STRBP: variants seen among roughly 807,000 people sequenced by gnomAD.
STRBP encodes the protein spermatid perinuclear RNA binding protein, also known as spermatid perinuclear RNA-binding protein.
A neutral mutation model predicts 80.1 loss-of-function variants in STRBP; 13 were observed. The observed-to-expected ratio is 0.16, with a 90% CI of 0.11 to 0.26. The LOEUF (loss-of-function observed/expected upper bound fraction) is 0.26, where lower values mean the gene tolerates loss of function less well. Among genes scored for constraint, STRBP ranks in the 10% least tolerant of loss-of-function variants. The probability of loss-of-function intolerance (pLI) is 1.00; values close to 1 mark genes in which losing one functional copy is unlikely to be tolerated. For synonymous variants in STRBP, 284 were observed against 291.2 expected (o/e 0.98, Z 0.25); for missense variants, 485 against 815.2 (o/e 0.59, Z 4.93).
chr9:123,197,944 G>C (rs1344481659), intron 2 of STRBP, among the ~76,000 whole-genome samples: 1 of 152,070 alleles, frequency 6.6e-6, no homozygotes, highest in African/African-American at 2.4e-5. Context: ...AAAGTGCTGG[G>C]ATTACAGGCG....
intron 13 of STRBP, among the ~76,000 whole-genome samples, chr9:123,146,406 C>T (rs868168957): frequency 2.0e-5 from 3 of 150,850 alleles, no homozygotes; most frequent in Middle Eastern, 3.4e-3. Flanking sequence ...AATAGTTTCC[C>T]GTAGCATGTT....
chr9:123,114,523 C>G (rs771301943), intron 3 of STRBP: 14 of 167,146 alleles, frequency 8.4e-5, no homozygotes, highest in Non-Finnish European at 1.8e-4. Context: ...GAGCCCAGCC[C>G]GGCGGAAACT....
At chr9:123,214,145 TACACACACACAC>T (rs138090782) in intron 2 of STRBP, among the ~76,000 whole-genome samples, 13 of 141,442 alleles carry the variant, frequency 9.2e-5, no homozygotes, top group East Asian at 2.1e-4. Context: ...TATATATGTA[TACACACACACAC>T]ACACACACAC....
intron 2 of STRBP, among the ~76,000 whole-genome samples, chr9:123,229,453 C>T (rs2040338232): frequency 6.6e-6 from 1 of 152,134 alleles, no homozygotes; most frequent in African/African-American, 2.4e-5. Context: ...AGAAATGAGA[C>T]AGTAGCTGGC....
At chr9:123,200,769 G>T (rs2039296160) in intron 2 of STRBP, among the ~76,000 whole-genome samples, 1 of 2,950 alleles carries the variant, frequency 3.4e-4, no homozygotes, top group Non-Finnish European at 1.5e-3. Context: ...TTTTAGTAGA[G>T]ACCAGGTTTC....
At position 123,147,021 on chromosome 9, in the gene STRBP, G is replaced by A; in HGVS notation, c.1172C>T (p.Ala391Val). The A allele has an allele frequency of 1.2e-6, 2 of 1,613,940 alleles. No homozygotes were observed. The highest frequency in any genetic ancestry group is 1.7e-6 in the Non-Finnish European group (2 of 1,179,916). The change falls in exon 13 of 19, where the codon GCA becomes GTA. Residue 391 changes from alanine (A) to valine (V), a missense_variant. By Grantham distance (64) the Ala-to-Val change is moderately conservative. Around this residue, in one of 3 missense-constraint regions of STRBP, gnomAD observed 377 missense variants for 616.1 expected, o/e 0.61. Coordinates refer to ENST00000348403, the MANE Select transcript of STRBP (RefSeq NM_018387.5). ...LDSKAIDLMN[A>V]LMRLNQIRPG... ...CCTGATCTGATTTAGCCTCATTAGT[G>A]CATTCATAAGGTCTATTGCTTTACT...
chr9:123,258,593 G>A (rs2132647892), intron 1 of STRBP, among the ~76,000 whole-genome samples: 1 of 152,222 alleles, frequency 6.6e-6, no homozygotes, highest in African/African-American at 2.4e-5. Context: ...CACGAGGTCA[G>A]GAAATCGAGA....
chr9:123,242,900 A>G (rs1053133265), intron 1 of STRBP, among the ~76,000 whole-genome samples: 4 of 152,214 alleles, frequency 2.6e-5, no homozygotes, highest in African/African-American at 9.6e-5. Flanking sequence ...AAAAATGTCA[A>G]TTCTTCCCAA....
chr9:123,181,796 G>A (rs1298377477), intron 3 of STRBP, among the ~76,000 whole-genome samples: 3 of 10,220 alleles, frequency 2.9e-4, no homozygotes, highest in Non-Finnish European at 4.9e-4. Flanking sequence ...GCAAAACTTC[G>A]TCTCAAAAAA....
chr9:123,215,032 A>G (rs1310333206), intron 2 of STRBP, among the ~76,000 whole-genome samples: 1 of 151,208 alleles, frequency 6.6e-6, no homozygotes, highest in Non-Finnish European at 1.5e-5. Flanking sequence ...TAACTAAGTC[A>G]GTGGAGGTGC....
In STRBP at chr9:123,115,175, CCTT is replaced by C; in HGVS notation, c.*84+751_*84+753del. The C allele has an allele frequency of 2.1e-6, 1 of 470,356 alleles. No homozygotes were observed. Among genetic ancestry groups the C allele is most frequent in the Admixed American group, 2.3e-5 (1 of 42,570 alleles). 29.1% of individuals were successfully genotyped at this position (470,356 alleles called of 1,614,324 possible). ...ATCCTCTCGGGTCCCACAGCAAGGC[CCTT>C]CACACTCCCCAAGTGGGCACACTCT... On this transcript the variant is annotated intron_variant and NMD_transcript_variant, in intron 3 of 3. Coordinates refer to the STRBP transcript ENST00000471564. The surrounding 1 kb of genome is among the most constrained non-coding windows in gnomAD (Gnocchi z 5.0).
chr9:123,166,919 G>GAA (rs1294280288), intron 6 of STRBP, among the ~76,000 whole-genome samples: 2 of 152,168 alleles, frequency 1.3e-5, no homozygotes, highest in African/African-American at 2.4e-5. Context: ...TTAGAATACA[G>GAA]AAAGACAACG....
rs1272665316 is a variant in STRBP, at chr9:123,166,791, CAAA to C, written c.535+3108_535+3110del. Among the ~76,000 whole-genome samples, 25 of 120,200 alleles carry C rather than the reference CAAA, an allele frequency of 2.1e-4. No homozygotes were observed. The East Asian group carries it at 3.6e-3, about 17-fold the overall frequency. 78.9% of individuals were successfully genotyped at this position (120,200 alleles called of 152,430 possible). ...ACAACAACAACAACAACAACAACAA[CAAA>C]AAAACAAGCCAAACGAAAGACTGCT... On this transcript the variant is annotated intron_variant, in intron 6 of 18. Coordinates refer to ENST00000348403, the MANE Select transcript of STRBP (RefSeq NM_018387.5).
At chr9:123,160,297 C>T in intron 8 of STRBP, 70 bp downstream of exon 8, 3 of 1,107,906 alleles carry the variant, frequency 2.7e-6, no homozygotes, top group Non-Finnish European at 3.8e-6. Flanking sequence ...TTTAAAGTAA[C>T]ATCTCATTTC....
intron 2 of STRBP, chr9:123,213,547 T>A (rs1253315628): frequency 1.3e-5 from 2 of 152,126 alleles, no homozygotes; most frequent in African/African-American, 4.8e-5. Flanking sequence ...TTATACCAAC[T>A]GGACAGAGGA....
At chr9:123,198,904 T>C (rs1588086614) in intron 2 of STRBP, among the ~76,000 whole-genome samples, 1 of 152,228 alleles carries the variant, frequency 6.6e-6, no homozygotes, top group Non-Finnish European at 1.5e-5. Flanking sequence ...CTGTACATAT[T>C]TGGCTTATTT....
intron 3 of STRBP, chr9:123,113,328 C>T (rs1012371624): frequency 1.0e-4 from 17 of 167,276 alleles, no homozygotes; most frequent in Non-Finnish European, 7.3e-5. Context: ...AGACCTCATG[C>T]GCCTGTGTGA....
At chr9:123,218,047 C>T (rs2039952463) in intron 2 of STRBP, among the ~76,000 whole-genome samples, 1 of 152,172 alleles carries the variant, frequency 6.6e-6, no homozygotes, top group Non-Finnish European at 1.5e-5. Flanking sequence ...TTAAACAATG[C>T]CCATAGATAA....
intron 17 of STRBP, among the ~76,000 whole-genome samples, chr9:123,129,288 TCGAGGCTG>T (rs1205659724): frequency 6.6e-6 from 1 of 151,792 alleles, no homozygotes; most frequent in East Asian, 1.9e-4. Flanking sequence ...GCCCAGGAGG[TCGAGGCTG>T]CAGTGAGCCA....
Sources: allele counts gnomAD v4.1 joint callset (sites outside exome capture counted in the v4.1 genomes callset), GRCh38; gene constraint gnomAD v4.1.1; regional missense constraint gnomAD v4.1.1; non-coding constraint Gnocchi (gnomAD v3.1); transcripts MANE v1.5; gene names NCBI Gene and HGNC (gene_info 2026-07-23, HGNC 2026-07-21).